Variants in MB observed in about 807,000 individuals in gnomAD.
MB encodes the protein myoglobin.
Under a neutral mutation model 14.5 loss-of-function variants are expected in MB, and 10 were observed. That is an observed-to-expected ratio of 0.69 (90% confidence interval 0.43 to 1.17). The LOEUF (loss-of-function observed/expected upper bound fraction) is 1.17, where lower values mean the gene tolerates loss of function less well. Ranked by LOEUF, MB falls within the 50% of genes most tolerant of loss-of-function variation. The pLI is 0.00. For synonymous variants in MB, 89 were observed against 78.6 expected (o/e 1.13, Z -0.70); for missense variants, 169 against 192.7 (o/e 0.88, Z 0.73).
At chr22:35,617,449 G>A (rs539076171), upstream of MB, 1 of 593,084 alleles carries the variant, frequency 1.7e-6, no homozygotes, top group East Asian at 2.8e-5. Context: ...TCCAGGGAGG[G>A]TCTAATCTTT....
upstream of MB, among the ~76,000 whole-genome samples, chr22:35,618,527 C>T (rs148458528): frequency 4.3e-3 from 658 of 152,066 alleles, 2 homozygotes; most frequent in Non-Finnish European, 7.7e-3. Context: ...ATCTGTCATC[C>T]CTTAATTCAT....
At chr22:35,609,537 G>A (rs560872812) in intron 2 of MB, among the ~76,000 whole-genome samples, 1 of 152,296 alleles carries the variant, frequency 6.6e-6, no homozygotes, top group South Asian at 2.1e-4. Context: ...GGGTGGCGGT[G>A]GTTGTCAATG....
intron 2 of MB, among the ~76,000 whole-genome samples, 175 bp from the exon 3 acceptor site, chr22:35,607,618 A>C (rs1922252907): frequency 1.3e-5 from 2 of 152,142 alleles, no homozygotes; most frequent in African/African-American, 4.8e-5. Flanking sequence ...GATCCCCACA[A>C]CCACTGTGAG....
upstream of MB, chr22:35,622,145 C>G (rs1196754535): frequency 6.6e-6 from 1 of 152,326 alleles, no homozygotes; most frequent in Non-Finnish European, 1.5e-5. Context: ...AAGGAGAACT[C>G]TGGCTCCTCA....
At chr22:35,612,123 C>T (rs926330474) in intron 1 of MB, among the ~76,000 whole-genome samples, 2 of 152,182 alleles carry the variant, frequency 1.3e-5, no homozygotes, top group Admixed American at 6.5e-5. Context: ...ATGTTTGGCA[C>T]GGGCAACCCT....
At chr22:35,620,390 A>T (rs1331755891), upstream of MB, among the ~76,000 whole-genome samples, 1 of 152,208 alleles carries the variant, frequency 6.6e-6, no homozygotes, top group African/African-American at 2.4e-5. Flanking sequence ...TCAGTCAGTC[A>T]GTCATCTGTT....
At chr22:35,610,863 C>G in intron 2 of MB, 21 bp downstream of exon 2, 2 of 1,474,846 alleles carry the variant, frequency 1.4e-6, no homozygotes, top group Non-Finnish European at 1.8e-6. Context: ...ATCCTCCCAC[C>G]TGCCCAGGCT....
chr22:35,613,859 C>T (rs372424873), intron 1 of MB, among the ~76,000 whole-genome samples: 5 of 152,216 alleles, frequency 3.3e-5, no homozygotes, highest in South Asian at 4.1e-4. Context: ...AAGATCATTC[C>T]GGCACCACAC....
Position 35,607,370 on chromosome 22 carries a change from GC to G in MB, c.391del (p.Ala131ProfsTer2). The G allele has an allele frequency of 6.2e-7, 1 of 1,614,146 alleles. No homozygotes were observed. Among genetic ancestry groups the G allele is most frequent in the Non-Finnish European group, 8.5e-7 (1 of 1,179,980 alleles). ...PGDFGADAQG[A>X]MNKALELFRK... Reference sequence around the variant, plus strand: ...GAACAGCTCCAGGGCCTTGTTCATGGCCCCCTGGGCATCAGCACCAAAGTCC... The same window carrying G: ...GAACAGCTCCAGGGCCTTGTTCATGGCCCCTGGGCATCAGCACCAAAGTCC... On this transcript the variant is annotated frameshift_variant, in exon 3 of 3. Transcript: ENST00000397326. LOFTEE classifies it high-confidence loss of function.
At chr22:35,615,875 T>C (rs5755794) in intron 1 of MB, among the ~76,000 whole-genome samples, 102,381 of 151,962 alleles carry the variant, frequency 0.67, 36,073 homozygotes, top group East Asian at 0.93. Flanking sequence ...ATAAACACAC[T>C]ACGATGCCAT....
At chr22:35,614,635 T>C (rs1922921801) in intron 1 of MB, among the ~76,000 whole-genome samples, 2 of 152,220 alleles carry the variant, frequency 1.3e-5, no homozygotes, top group Admixed American at 6.5e-5. Flanking sequence ...CCTCATAAGA[T>C]TGTTGTCAGG....
At chr22:35,621,090 G>A (rs1923431683), upstream of MB, among the ~76,000 whole-genome samples, 1 of 152,126 alleles carries the variant, frequency 6.6e-6, no homozygotes, top group African/African-American at 2.4e-5. Flanking sequence ...GCTCTGTTTG[G>A]GGGCTATTAT....
At chr22:35,613,800 A>G (rs577733298) in intron 1 of MB, among the ~76,000 whole-genome samples, 1 of 152,130 alleles carries the variant, frequency 6.6e-6, no homozygotes, top group South Asian at 2.1e-4. Context: ...ACCCCACCCC[A>G]TATTTACTTT....
At position 35,612,820 on chromosome 22, in the gene MB, G is replaced by A. The variant is rs562080750; in HGVS notation, c.96-1714C>T. 1.5e-4 allele frequency among the ~76,000 whole-genome samples: 23 copies of A among 152,262 alleles called. No homozygotes were observed. In the East Asian group the frequency reaches 3.1e-3, roughly 20 times the overall value. ...ATGGACATGTATCAACACCTCACACGTGTACATGCATGCAGGCTCTCACAG... is the reference window on the plus strand; with the variant it reads ...ATGGACATGTATCAACACCTCACACATGTACATGCATGCAGGCTCTCACAG... On this transcript the variant is annotated intron_variant, in intron 1 of 2. Coordinates refer to ENST00000397326, the MANE Select transcript of MB (RefSeq NM_005368.3).
chr22:35,616,273 G>A (rs1223565886), intron 1 of MB, among the ~76,000 whole-genome samples: 1 of 152,160 alleles, frequency 6.6e-6, no homozygotes. Context: ...AGAAGGCAAC[G>A]AGGAGATGAG....
exon 1 of MB, chr22:35,623,300 C>T (rs569860081): frequency 1.3e-5 from 2 of 152,294 alleles, no homozygotes; most frequent in Non-Finnish European, 2.9e-5. Flanking sequence ...AGTCCTTCCC[C>T]CTCACTCTCT....
At position 35,607,240 on chromosome 22, in the gene MB, AC is replaced by A; in HGVS notation, c.*56del. 1.9e-6 allele frequency: 3 copies of A among 1,563,728 alleles called. No individual in the cohort carries two copies. In the South Asian group the frequency reaches 3.4e-5, roughly 18 times the overall value. On this transcript the variant is annotated 3_prime_UTR_variant, in exon 3 of 3. Coordinates refer to ENST00000397326, the MANE Select transcript of MB (RefSeq NM_005368.3). ...ACTCTATATGGCTACACGAGATCAG[AC>A]CCCGCTCTCTCTTGAACCCGGGGCC...
intron 2 of MB, among the ~76,000 whole-genome samples, chr22:35,609,788 G>A (rs1477534995): frequency 6.6e-6 from 1 of 152,204 alleles, no homozygotes; most frequent in Non-Finnish European, 1.5e-5. Flanking sequence ...TGTATTTGGA[G>A]GGGTGATAGA....
At chr22:35,619,546 G>A (rs59105199), upstream of MB, among the ~76,000 whole-genome samples, 3 of 152,102 alleles carry the variant, frequency 2.0e-5, no homozygotes, top group Admixed American at 6.5e-5. Flanking sequence ...CAGTTCTCCC[G>A]CAAACCTGCT....
Sources: allele counts gnomAD v4.1 joint callset (sites outside exome capture counted in the v4.1 genomes callset), GRCh38; gene constraint gnomAD v4.1.1; transcripts MANE v1.5; gene names NCBI Gene and HGNC (gene_info 2026-07-23, HGNC 2026-07-21).